CENPS: variants seen among roughly 807,000 people sequenced by gnomAD.
CENPS encodes the protein FANCM associated histone fold protein 1.
Under a neutral mutation model 17.9 loss-of-function variants are expected in CENPS, and 16 were observed. The observed-to-expected ratio is 0.90, with a 90% CI of 0.61 to 1.36. The LOEUF (loss-of-function observed/expected upper bound fraction) is 1.36. Among genes scored for constraint, CENPS ranks in the 40% most tolerant of loss-of-function variants. The pLI is 0.00. For synonymous variants in CENPS, 49 were observed against 55.8 expected (o/e 0.88, Z 0.54); for missense variants, 160 against 158.6 (o/e 1.01, Z -0.05).
chr1:10,436,179 T>C (rs183724467), intron 3 of CENPS, among the ~76,000 whole-genome samples: 1 of 151,436 alleles, frequency 6.6e-6, no homozygotes, highest in African/African-American at 2.4e-5. Context: ...CGTTTCACCA[T>C]GTTGGCCAGG....
At chr1:10,434,456 A>G (rs1170401651) in intron 2 of CENPS, among the ~76,000 whole-genome samples, 4 of 152,216 alleles carry the variant, frequency 2.6e-5, no homozygotes, top group Admixed American at 2.6e-4. Flanking sequence ...TCTGGGAAGG[A>G]CAAGGAGATC....
Position 10,433,912 on chromosome 1 carries a change from A to G in CENPS, c.122A>G (p.Gln41Arg), listed in dbSNP as rs1236910284. ...CEEVALDKEM[Q>R]FSKQTIAAIS... ...GAAGTTGCATTGGACAAAGAGATGCAGTTCAGCAAACAGACCATTGCGGCC... is the reference window on the plus strand; with the variant it reads ...GAAGTTGCATTGGACAAAGAGATGCGGTTCAGCAAACAGACCATTGCGGCC... Residue 41 changes from glutamine to arginine, a missense_variant, in exon 2 of 5, where the codon CAG (glutamine) becomes CGG (arginine). Transcript: ENST00000309048. 5 of 1,614,258 alleles carry G rather than the reference A, an allele frequency of 3.1e-6. No homozygotes were observed. Among genetic ancestry groups the G allele is most frequent in the East Asian group, 2.2e-5 (1 of 44,888 alleles).
At chr1:10,430,640 C>A (rs2124237269) in intron 1 of CENPS, 72 bp downstream of exon 1, 1 of 1,484,184 alleles carries the variant, frequency 6.7e-7, no homozygotes, top group Admixed American at 2.3e-5. Context: ...AAGTACCCGG[C>A]AGCCCCCGGC....
At position 10,433,895 on chromosome 1, in the gene CENPS, A is replaced by G. The variant is rs1283954159; in HGVS notation, c.105A>G (p.Ala35=). 4 of 1,614,102 alleles carry G rather than the reference A, an allele frequency of 2.5e-6. No individual in the cohort carries two copies. Among genetic ancestry groups the G allele is most frequent in the African/African-American group, 2.7e-5 (2 of 74,950 alleles). Residue 35 remains alanine (A), a synonymous_variant, in exon 2 of 5, where the codon GCA becomes GCG. Transcript: ENST00000309048. ...TGGGTTGTCTTTGCGAGGAAGTTGC[A>G]TTGGACAAAGAGATGCAGTTCAGCA... The part of the protein sequence containing the change: ...YTVGCLCEEV[A]LDKEMQFSKQ...
At chr1:10,432,907 G>A (rs1269000709) in intron 1 of CENPS, among the ~76,000 whole-genome samples, 3 of 152,150 alleles carry the variant, frequency 2.0e-5, no homozygotes, top group Non-Finnish European at 4.4e-5. Flanking sequence ...CCTACCAGAG[G>A]CCTCAGCTTA....
chr1:10,440,346 G>A lies in CENPS; in HGVS notation c.210-1G>A. ...GTGACTTGCTTCTGCCCTTTCTGCA[G>A]ACATGCGAAAAGAACCACAATTAAC... On this transcript the variant is annotated splice_acceptor_variant, in intron 3 of 4. Transcript: ENST00000309048. LOFTEE classifies it high-confidence loss of function. 6.2e-7 allele frequency: 1 copy of A among 1,613,424 alleles called. No individual in the cohort carries two copies. The highest frequency in any genetic ancestry group is 8.5e-7 in the Non-Finnish European group (1 of 1,179,846).
chr1:10,435,982 T>TA (rs1017699892), intron 3 of CENPS, among the ~76,000 whole-genome samples: 1 of 34,792 alleles, frequency 2.9e-5, no homozygotes, highest in South Asian at 1.1e-3. Flanking sequence ...AAGAGGTTGA[T>TA]TTTTTTTTTT....
chr1:10,431,848 C>CGCGAGACTCA (rs1557773445), intron 1 of CENPS, among the ~76,000 whole-genome samples: 1 of 99,308 alleles, frequency 1.0e-5, no homozygotes, highest in African/African-American at 5.1e-5. Flanking sequence ...AGCGAGACTC[C>CGCGAGACTCA]ATCTCAGAAA....
In CENPS at chr1:10,438,784, C is replaced by T. The variant is rs115013046; in HGVS notation, c.210-1563C>T. On this transcript the variant is annotated intron_variant, in intron 3 of 4. Transcript: ENST00000309048. ...AGGACTGAGATCGTTGTTTCCTAAA[C>T]GCTTTCTCGTAAACAGATAAGTTCA... Among the ~76,000 whole-genome samples the T allele has an allele frequency of 6.4e-3, 976 of 152,196 alleles. 17 individuals are homozygous for T. The highest frequency in any genetic ancestry group is 0.022 in the African/African-American group (934 of 41,516).
chr1:10,431,170 G>A (rs1446990120), intron 1 of CENPS: 5 of 1,462,010 alleles, frequency 3.4e-6, no homozygotes, highest in South Asian at 1.4e-5. Flanking sequence ...CATCCCATTC[G>A]TTCCTTTCAT....
At chr1:10,437,887 C>T (rs937486612) in intron 3 of CENPS, among the ~76,000 whole-genome samples, 23 of 151,376 alleles carry the variant, frequency 1.5e-4, no homozygotes, top group East Asian at 5.8e-4. Flanking sequence ...CTCAGCCTCC[C>T]GAGTAGCTGG....
At chr1:10,434,536 A>G in intron 2 of CENPS, 121 bp from the exon 3 acceptor site, 1 of 1,442,542 alleles carries the variant, frequency 6.9e-7, no homozygotes, top group Admixed American at 2.6e-5. Flanking sequence ...TTCACCTTTA[A>G]GAGGGTTTGT....
At chr1:10,439,533 A>C (rs1313339198) in intron 3 of CENPS, among the ~76,000 whole-genome samples, 1 of 152,132 alleles carries the variant, frequency 6.6e-6, no homozygotes, top group Non-Finnish European at 1.5e-5. Flanking sequence ...TGAGGTGAGG[A>C]GTTCAAGACC....
rs557348046 is a variant in CENPS, at chr1:10,440,282, T to G, written c.210-65T>G. 189 of 1,588,998 alleles carry G rather than the reference T, an allele frequency of 1.2e-4. 2 individuals are homozygous for G. In the East Asian group the frequency reaches 4.2e-3, roughly 35 times the overall value. On this transcript the variant is annotated intron_variant, in intron 3 of 4. Transcript: ENST00000309048. ...AGTTTGAAGTCTGACCGTGAACTTCTGTGTTTCATCAAAACTTTAAATAAT... is the reference window on the plus strand; with the variant it reads ...AGTTTGAAGTCTGACCGTGAACTTCGGTGTTTCATCAAAACTTTAAATAAT...
At position 10,441,502 on chromosome 1, in the gene CENPS, C is replaced by T. The variant is rs187296610; in HGVS notation, c.277-763C>T. On this transcript the variant is annotated intron_variant, in intron 4 of 4. Transcript: ENST00000309048. Reference sequence around the variant, plus strand: ...GCTATTTTTGTATGTTTTGTAGAGACGGGGTTTCACCATATTGCCTGGGCT... The same window carrying T: ...GCTATTTTTGTATGTTTTGTAGAGATGGGGTTTCACCATATTGCCTGGGCT... 2.6e-3 allele frequency among the ~76,000 whole-genome samples: 393 copies of T among 150,724 alleles called. 1 individual carries two copies. Among genetic ancestry groups the T allele is most frequent in the African/African-American group, 9.2e-3 (376 of 41,052 alleles).
At position 10,431,331 on chromosome 1, in the gene CENPS, C is replaced by T. The variant is rs767928437; in HGVS notation, c.51+763C>T. The T allele has an allele frequency of 2.0e-6, 3 of 1,535,322 alleles. No homozygotes were observed. In the South Asian group the frequency reaches 3.6e-5, roughly 18 times the overall value. Reference sequence around the variant, plus strand: ...GGAGTTTCCTCTCTACAAAGTTACACTGCAGCAGCTGTCTACCCTGCCCCT... The same window carrying T: ...GGAGTTTCCTCTCTACAAAGTTACATTGCAGCAGCTGTCTACCCTGCCCCT... On this transcript the variant is annotated intron_variant, in intron 1 of 4. Transcript: ENST00000309048.
chr1:10,434,750 T>C, intron 3 of CENPS, 60 bp downstream of exon 3: 1 of 1,543,094 alleles, frequency 6.5e-7, no homozygotes, highest in Non-Finnish European at 8.7e-7. Flanking sequence ...GGCCTCTCCA[T>C]CTGGTGGGTT....
At chr1:10,431,200 C>T in intron 1 of CENPS, 3 of 1,502,350 alleles carry the variant, frequency 2.0e-6, no homozygotes, top group Admixed American at 2.1e-5. Context: ...GCATATGGGG[C>T]GTCAGAGGCT....
chr1:10,430,781 A>G, intron 1 of CENPS: 1 of 1,379,588 alleles, frequency 7.2e-7, no homozygotes, highest in Non-Finnish European at 9.3e-7. Flanking sequence ...CTGGCTGGGG[A>G]GGAAGCGGTT....
Sources: gnomAD v4.1 joint callset for allele counts (sites outside exome capture counted in the v4.1 genomes callset) on GRCh38, gnomAD v4.1.1 for gene constraint, MANE v1.5 for transcripts, NCBI Gene and HGNC (gene_info 2026-07-23, HGNC 2026-07-21) for gene names.